The following KCNH7 variants were observed in gnomAD, a reference collection of about 807,000 sequenced individuals.
The protein encoded by KCNH7 is potassium voltage-gated channel subfamily H member 7.
In KCNH7, 49 loss-of-function variants were observed where a neutral mutation model predicts 120.8. That is an observed-to-expected ratio of 0.41 (90% CI 0.32 to 0.51). KCNH7 has a LOEUF of 0.51. Ranked by LOEUF, KCNH7 falls within the 20% of genes least tolerant of loss-of-function variation. KCNH7 has a pLI of 0.38. For missense variants in KCNH7, 1,097 were observed against 1,446.6 expected (o/e 0.76, Z 3.92); for synonymous variants, 547 against 516.1 (o/e 1.06, Z -0.81).
chr2:162,720,546 A>C (rs976387982), intron 2 of KCNH7, among the ~76,000 whole-genome samples: 3 of 152,114 alleles, frequency 2.0e-5, no homozygotes, highest in African/African-American at 7.2e-5. Context: ...TTTTACTGAT[A>C]TAAAGGTTGT....
chr2:162,532,568 C>T (rs1691961462), intron 3 of KCNH7, among the ~76,000 whole-genome samples: 1 of 151,946 alleles, frequency 6.6e-6, no homozygotes, highest in African/African-American at 2.4e-5. Flanking sequence ...TCTACCTAGG[C>T]TGTCCTTCAA....
intron 2 of KCNH7, among the ~76,000 whole-genome samples, chr2:162,618,514 CAA>C (rs1283251365): frequency 6.6e-6 from 1 of 151,950 alleles, no homozygotes; most frequent in East Asian, 1.9e-4. Flanking sequence ...AAAAAAACCC[CAA>C]GTACTGATTT....
At chr2:162,769,210 T>C (rs1333019592) in intron 2 of KCNH7, among the ~76,000 whole-genome samples, 2 of 151,600 alleles carry the variant, frequency 1.3e-5, no homozygotes, top group Non-Finnish European at 2.9e-5. Flanking sequence ...AGACCTCCGC[T>C]CTCTTGCGGC....
intron 2 of KCNH7, among the ~76,000 whole-genome samples, chr2:162,639,287 C>A (rs758869981): frequency 3.2e-4 from 49 of 152,108 alleles, no homozygotes; most frequent in Non-Finnish European, 5.9e-4. Context: ...CTCATTCAAT[C>A]CTCACAGTTG....
intron 7 of KCNH7, among the ~76,000 whole-genome samples, chr2:162,440,608 T>A (rs1325885660): frequency 6.6e-6 from 1 of 152,080 alleles, no homozygotes; most frequent in East Asian, 1.9e-4. Context: ...ATATTTTGAA[T>A]GTGTCTAAAA....
rs189548502 is a variant in KCNH7 at position 162,403,927 on chromosome 2, T to C, written c.2155-3486A>G. Among the ~76,000 whole-genome samples, 6 of 152,106 alleles carry C rather than the reference T, an allele frequency of 3.9e-5. No individual in the cohort carries two copies. In the East Asian group the frequency reaches 1.2e-3, roughly 30 times the overall value. On this transcript the variant is annotated intron_variant, in intron 9 of 15. Coordinates refer to ENST00000332142, the MANE Select transcript of KCNH7 (RefSeq NM_033272.4). ...AGGTAGAAGTACATTGAAAAAAGTCTGAAATAAGAGGTAGGCTTAAGAAGA... is the reference window on the plus strand; with the variant it reads ...AGGTAGAAGTACATTGAAAAAAGTCCGAAATAAGAGGTAGGCTTAAGAAGA...
intron 2 of KCNH7, among the ~76,000 whole-genome samples, chr2:162,643,663 A>T (rs1197617202): frequency 6.6e-6 from 1 of 151,878 alleles, no homozygotes. Flanking sequence ...AAAATCAGCC[A>T]GGCATGGCGG....
chr2:162,713,871 C>G (rs1262961129), intron 2 of KCNH7, among the ~76,000 whole-genome samples: 1 of 152,130 alleles, frequency 6.6e-6, no homozygotes, highest in African/African-American at 2.4e-5. Flanking sequence ...GCCTCAGCCT[C>G]CCGGGTAGCT....
At chr2:162,828,594 G>A (rs2105610701) in intron 2 of KCNH7, among the ~76,000 whole-genome samples, 1 of 152,132 alleles carries the variant, frequency 6.6e-6, no homozygotes, top group Non-Finnish European at 1.5e-5. Context: ...CAAAAAAAGA[G>A]AGAAGGAACA....
At chr2:162,780,100 T>C (rs1221297870) in intron 2 of KCNH7, among the ~76,000 whole-genome samples, 1 of 152,174 alleles carries the variant, frequency 6.6e-6, no homozygotes, top group Non-Finnish European at 1.5e-5. Flanking sequence ...AAGAACAAAA[T>C]TCTTCTTGTC....
chr2:162,809,284 G>T (rs957726890), intron 2 of KCNH7, among the ~76,000 whole-genome samples: 1 of 152,154 alleles, frequency 6.6e-6, no homozygotes, highest in African/African-American at 2.4e-5. Context: ...CATTAAAATT[G>T]TATATCAGTT....
At chr2:162,538,257 C>T (rs1276165988) in intron 2 of KCNH7, among the ~76,000 whole-genome samples, 1 of 151,960 alleles carries the variant, frequency 6.6e-6, no homozygotes, top group Admixed American at 6.6e-5. Flanking sequence ...CATCAGCTAT[C>T]GTTAGCATTA....
At chr2:162,807,573 C>T (rs780869509) in intron 2 of KCNH7, among the ~76,000 whole-genome samples, 1 of 152,144 alleles carries the variant, frequency 6.6e-6, no homozygotes, top group Non-Finnish European at 1.5e-5. Context: ...CATCCCTCTG[C>T]ACGCTGAAAA....
chr2:162,579,942 T>G (rs1693817240), intron 2 of KCNH7, among the ~76,000 whole-genome samples: 1 of 152,070 alleles, frequency 6.6e-6, no homozygotes, highest in Admixed American at 6.6e-5. Context: ...GAAGTATAAC[T>G]TGTTTTCTTG....
At chr2:162,573,129 A>G (rs150828814) in intron 2 of KCNH7, among the ~76,000 whole-genome samples, 1 of 152,206 alleles carries the variant, frequency 6.6e-6, no homozygotes, top group East Asian at 1.9e-4. Context: ...ATACCCTGAA[A>G]TGAATTCCTC....
chr2:162,701,648 C>G (rs1686502981), intron 2 of KCNH7, among the ~76,000 whole-genome samples: 1 of 152,082 alleles, frequency 6.6e-6, no homozygotes, highest in South Asian at 2.1e-4. Context: ...AAGTCAGTCA[C>G]TAGACAGTTT....
At chr2:162,793,149 A>T (rs969672644) in intron 2 of KCNH7, among the ~76,000 whole-genome samples, 1 of 152,024 alleles carries the variant, frequency 6.6e-6, no homozygotes, top group Non-Finnish European at 1.5e-5. Flanking sequence ...CGTTGCAAGG[A>T]CATAGGTGGA....
chr2:162,446,099 G>T lies in KCNH7; in HGVS notation c.1473C>A (p.His491Gln). Residue 491 changes from histidine (H) to glutamine (Q), a missense_variant, in exon 7 of 16, where the codon CAC becomes CAA. This residue lies in a region of KCNH7 where 109 missense variants were observed against 196.8 expected (regional missense o/e 0.55). Transcript: ENST00000332142. The part of the protein sequence containing the change: ...VVSDPAKIAI[H>Q]YFKGWFLIDM... ...CAATCAGGAACCAGCCTTTGAAGTA[G>T]TGTATTGCTATTTTGGCGGGATCAC... 1 of 1,613,870 alleles carries T rather than the reference G, an allele frequency of 6.2e-7. No homozygotes were observed. Among genetic ancestry groups the T allele is most frequent in the South Asian group, 1.1e-5 (1 of 91,064 alleles).
intron 2 of KCNH7, among the ~76,000 whole-genome samples, chr2:162,559,924 T>C (rs958918674): frequency 2.6e-5 from 4 of 152,218 alleles, no homozygotes; most frequent in Non-Finnish European, 4.4e-5. Context: ...AAAAATTTAC[T>C]GGGTAACAAA....
Sources: gnomAD v4.1 joint callset for allele counts (sites outside exome capture counted in the v4.1 genomes callset) on GRCh38, gnomAD v4.1.1 for gene constraint, gnomAD v4.1.1 regional missense constraint, MANE v1.5 for transcripts, NCBI Gene and HGNC (gene_info 2026-07-23, HGNC 2026-07-21) for gene names.